Variants in ZNF318 observed in about 807,000 individuals in gnomAD.
ZNF318 encodes zinc finger protein 318, also known as endocrine regulator.
ZNF318 carries 51 observed loss-of-function variants against 124.2 expected under a neutral mutation model. The observed-to-expected ratio is 0.41, with a 90% CI of 0.33 to 0.52. The LOEUF is 0.52. Among genes scored for constraint, ZNF318 ranks in the 20% least tolerant of loss-of-function variants. The pLI is 0.23. For missense variants in ZNF318, 2,815 were observed against 2,811.2 expected, an observed-to-expected ratio of 1.00 and a Z score of -0.03; for synonymous variants, 1,090 against 1,040.7, an observed-to-expected ratio of 1.05 and a Z score of -0.91.
chr6:43,358,414 ATTT>A (rs71547834), intron 2 of ZNF318, among the ~76,000 whole-genome samples: 2 of 124,782 alleles, frequency 1.6e-5, no homozygotes, highest in East Asian at 2.3e-4. Flanking sequence ...CACCCGGCTA[ATTT>A]TTTTTTTTTT....
chr6:43,344,789 T>C (rs926343073), intron 6 of ZNF318, among the ~76,000 whole-genome samples: 18 of 152,288 alleles, frequency 1.2e-4, no homozygotes, highest in African/African-American at 2.2e-4. Context: ...GTTAAGTGAA[T>C]TGATGGACAG....
At chr6:43,358,214 T>C (rs1053295073) in intron 2 of ZNF318, among the ~76,000 whole-genome samples, 2 of 152,206 alleles carry the variant, frequency 1.3e-5, no homozygotes, top group East Asian at 3.8e-4. Flanking sequence ...GTCTGTACTT[T>C]AAAGTTTGAG....
At chr6:43,357,006 C>A in intron 3 of ZNF318, 120 bp downstream of exon 3, 2 of 1,222,618 alleles carry the variant, frequency 1.6e-6, no homozygotes, top group Non-Finnish European at 2.2e-6. Context: ...GTGTAGCTCA[C>A]AATGTCGGTC....
chr6:43,344,553 G>C (rs1779412854), intron 6 of ZNF318, among the ~76,000 whole-genome samples: 1 of 152,198 alleles, frequency 6.6e-6, no homozygotes, highest in South Asian at 2.1e-4. Context: ...TATGTAAATC[G>C]GCATACAGCG....
At position 43,356,563 on chromosome 6, in the gene ZNF318, T is replaced by C. The variant is rs1353871044; in HGVS notation, c.1189-418A>G. Among the ~76,000 whole-genome samples, 3 of 152,340 alleles carry C rather than the reference T, an allele frequency of 2.0e-5. No individual in the cohort carries two copies. In the East Asian group the frequency reaches 5.8e-4, roughly 29 times the overall value. Reference sequence around the variant, plus strand: ...GCTTGGGAACCTCTTCAGAAGCCTTTATCTCCTAAGAGGACAGCTAAAAAC... The same window carrying C: ...GCTTGGGAACCTCTTCAGAAGCCTTCATCTCCTAAGAGGACAGCTAAAAAC... On this transcript the variant is annotated intron_variant, in intron 3 of 9. Coordinates refer to ENST00000361428, the MANE Select transcript of ZNF318 (RefSeq NM_014345.3).
chr6:43,337,833 A>C lies in ZNF318; in HGVS notation c.6165T>G (p.Asn2055Lys), dbSNP rs1244340441. ...GTTCGAAGTCAGCGGGATCGGAGGA[A>C]TTACACCCTATAGGTGATACAGAAT... ...EENSVSPIGCNSSDPADFEPI... is the reference protein window; with the variant it reads ...EENSVSPIGCKSSDPADFEPI... The change falls in exon 10 of 10, where the codon AAT becomes AAG. Residue 2055 changes from asparagine (N) to lysine (K), a missense_variant. Asn to Lys is a moderately conservative substitution (Grantham distance 94, BLOSUM62 0). Coordinates refer to ENST00000361428, the MANE Select transcript of ZNF318 (RefSeq NM_014345.3). 6.2e-7 allele frequency: 1 copy of C among 1,614,220 alleles called. No individual in the cohort carries two copies. The highest frequency in any genetic ancestry group is 1.7e-5 in the Admixed American group (1 of 60,024).
intron 1 of ZNF318, among the ~76,000 whole-genome samples, chr6:43,367,125 C>T (rs1410558380): frequency 6.6e-6 from 1 of 152,228 alleles, no homozygotes. Flanking sequence ...GCTGGGATTA[C>T]AGGCGTGAGC....
chr6:43,367,835 C>A (rs1444279806), intron 1 of ZNF318, among the ~76,000 whole-genome samples: 1 of 152,014 alleles, frequency 6.6e-6, no homozygotes, highest in Admixed American at 6.6e-5. Flanking sequence ...TGTTAGAGAG[C>A]CACTCAAAAA....
Position 43,342,936 on chromosome 6 carries a change from T to TGTTAGAAATAGTAA in ZNF318, c.3073-71_3073-58dup. 15 of 1,429,292 alleles carry TGTTAGAAATAGTAA rather than the reference T, an allele frequency of 1.0e-5. No homozygotes were observed. In the South Asian group the frequency reaches 1.8e-4, roughly 17 times the overall value. 88.5% of individuals were successfully genotyped at this position (1,429,292 alleles called of 1,614,324 possible). On this transcript the variant is annotated intron_variant, in intron 6 of 9. Transcript: ENST00000361428. ...TTCAAGGCAATCTAGACTTGTCTTCTGTTAGAAATAGTAAGTGGCCATAAT... is the reference window on the plus strand; with the variant it reads ...TTCAAGGCAATCTAGACTTGTCTTCTGTTAGAAATAGTAAGTTAGAAATAGTAAGTGGCCATAAT...
chr6:43,355,914 G>A lies in ZNF318; in HGVS notation c.1420C>T (p.Leu474=). 6.2e-7 allele frequency: 1 copy of A among 1,614,218 alleles called. No individual in the cohort carries two copies. Among genetic ancestry groups the A allele is most frequent in the Non-Finnish European group, 8.5e-7 (1 of 1,180,034 alleles). ...SPLREKFGSF[L]CHKDNLDLKA... is the part of the protein sequence containing the mutation. ...AAATCCAAATTATCCTTGTGGCATA[G>A]AAAACTTCCAAATTTTTCTCTGAGA... is the stretch of plus-strand genomic sequence containing the variant. Residue 474 remains leucine, a synonymous_variant, in exon 4 of 10, where the codon CTA becomes TTA. Transcript: ENST00000361428.
chr6:43,345,060 C>T (rs1208862258), intron 6 of ZNF318, among the ~76,000 whole-genome samples: 1 of 151,782 alleles, frequency 6.6e-6, no homozygotes, highest in Non-Finnish European at 1.5e-5. Flanking sequence ...GCCTTGGAAA[C>T]ATGGCGAAAC....
intron 9 of ZNF318, 41 bp from the exon 10 acceptor site, chr6:43,340,543 T>A: frequency 6.5e-7 from 1 of 1,540,936 alleles, no homozygotes; most frequent in African/African-American, 1.4e-5. Context: ...CTGGTGAAAA[T>A]ACAAGAGAAA....
intron 2 of ZNF318, among the ~76,000 whole-genome samples, chr6:43,358,081 T>C (rs1779635802): frequency 6.6e-6 from 1 of 152,196 alleles, no homozygotes; most frequent in South Asian, 2.1e-4. Context: ...CTACTGAAAG[T>C]GTAGTGCGGA....
In ZNF318 at chr6:43,338,636, G is replaced by A; in HGVS notation, c.5362C>T (p.Leu1788=). The stretch of plus-strand genomic sequence containing the variant: ...CCCTCATCAACTATCCCCTCAGACA[G>A]CTCCTTTACCCTTTCTTTTAGTTCA... ...NTELKERVKE[L]SEGIVDEGVS... Residue 1788 remains leucine, a synonymous_variant, in exon 10 of 10, where the codon CTG becomes TTG. Coordinates refer to ENST00000361428, the MANE Select transcript of ZNF318 (RefSeq NM_014345.3). 1 of 1,614,126 alleles carries A rather than the reference G, an allele frequency of 6.2e-7. No homozygotes were observed. Among genetic ancestry groups the A allele is most frequent in the South Asian group, 1.1e-5 (1 of 91,086 alleles).
In ZNF318 at chr6:43,357,323, G is replaced by C; in HGVS notation, c.991C>G (p.Arg331Gly). ...AGCTCCTGACTCAAGCTCCTACTTCGCTCCTCCTCTTCCTCTCGCTTTCGT... is the reference window on the plus strand; with the variant it reads ...AGCTCCTGACTCAAGCTCCTACTTCCCTCCTCCTCTTCCTCTCGCTTTCGT... ...ARRKREEEEE[R>G]SRSLSQELVG... The change falls in exon 3 of 10, where the codon CGA (arginine) becomes GGA (glycine). Residue 331 changes from arginine to glycine, a missense_variant. This residue lies in a region of ZNF318 where 1,377 missense variants were observed against 1,353.5 expected (regional missense o/e 1.02). Transcript: ENST00000361428. 1.2e-6 allele frequency: 2 copies of C among 1,614,032 alleles called. No homozygotes were observed. The highest frequency in any genetic ancestry group is 1.7e-5 in the Admixed American group (1 of 60,004).
At position 43,337,408 on chromosome 6, in the gene ZNF318, G is replaced by C. The variant is rs777519560; in HGVS notation, c.6590C>G (p.Pro2197Arg). Residue 2197 changes from proline to arginine, a missense_variant, in exon 10 of 10, where the codon CCT becomes CGT. Pro to Arg is a moderately radical substitution (Grantham distance 103). Coordinates refer to ENST00000361428, the MANE Select transcript of ZNF318 (RefSeq NM_014345.3). ...CAACTCCAGGGAACTACATTTAGAAGGGTCACCTGGCTCAGAGAGTGGAGA... is the reference window on the plus strand; with the variant it reads ...CAACTCCAGGGAACTACATTTAGAACGGTCACCTGGCTCAGAGAGTGGAGA... ...LCSPLSEPGD[P>R]SKCSSLELGP... is the part of the protein sequence containing the mutation. The C allele has an allele frequency of 3.1e-6, 5 of 1,614,026 alleles. No homozygotes were observed. The highest frequency in any genetic ancestry group is 1.3e-5 in the African/African-American group (1 of 74,920).
chr6:43,348,078 G>C (rs1048058847), intron 6 of ZNF318, among the ~76,000 whole-genome samples: 1 of 152,316 alleles, frequency 6.6e-6, no homozygotes, highest in Non-Finnish European at 1.5e-5. Flanking sequence ...ATAGGAGTGG[G>C]TTAGGGAGTA....
rs1262903189 is a variant in ZNF318 at position 43,339,242 on chromosome 6, C to T, written c.4756G>A (p.Ala1586Thr). 3 of 1,610,600 alleles carry T rather than the reference C, an allele frequency of 1.9e-6. No homozygotes were observed. The highest frequency in any genetic ancestry group is 1.7e-4 in the Middle Eastern group (1 of 6,036). Reference protein sequence around the residue: ...GGKGAPETKGAPETKLSGGPL... With the variant: ...GGKGAPETKGTPETKLSGGPL... ...CCACCACTTAGCTTAGTCTCAGGGG[C>T]CCCCTTAGTCTCAGGGGCCCCCTTT... The change falls in exon 10 of 10, where the codon GCC becomes ACC. Residue 1586 changes from alanine (A) to threonine (T), a missense_variant. Ala to Thr is a moderately conservative substitution (Grantham distance 58). This residue lies in a region of ZNF318 where 927 missense variants were observed against 820.6 expected (regional missense o/e 1.13). Coordinates refer to ENST00000361428, the MANE Select transcript of ZNF318 (RefSeq NM_014345.3). This position sits in a 1 kb window ranked among gnomAD's most constrained non-coding sequence, Gnocchi z 4.2.
At chr6:43,363,796 G>C in intron 2 of ZNF318, 2 of 794,896 alleles carry the variant, frequency 2.5e-6, no homozygotes, top group Non-Finnish European at 4.2e-6. Flanking sequence ...CAAGGCGTTT[G>C]TTGCCATCGG....
Sources: gnomAD v4.1 joint callset for allele counts (sites outside exome capture counted in the v4.1 genomes callset) on GRCh38, gnomAD v4.1.1 for gene constraint, gnomAD v4.1.1 regional missense constraint, Gnocchi (gnomAD v3.1) non-coding constraint, MANE v1.5 for transcripts, NCBI Gene and HGNC (gene_info 2026-07-23, HGNC 2026-07-21) for gene names.